Variants in FPGT observed in about 807,000 individuals in gnomAD.
The protein encoded by FPGT is GDP-L-fucose diphosphorylase.
In FPGT, 41 loss-of-function variants were observed where a neutral mutation model predicts 45.8. The ratio of observed to expected loss-of-function variants is 0.90; its 90% CI spans 0.70 to 1.16. The LOEUF is 1.16. Ranked by LOEUF, FPGT falls within the 50% of genes most tolerant of loss-of-function variation. The pLI, the probability that FPGT is intolerant of heterozygous loss-of-function variation, is 0.00. For synonymous variants in FPGT, 292 were observed against 247.2 expected (o/e 1.18, Z -1.70); for missense variants, 755 against 689.1 (o/e 1.10, Z -1.07).
In FPGT at chr1:74,206,157, G is replaced by A. The variant is rs954071395; in HGVS notation, c.*325G>A. The A allele has an allele frequency of 1.6e-5, 3 of 185,802 alleles. No individual in the cohort carries two copies. Among genetic ancestry groups the A allele is most frequent in the African/African-American group, 7.1e-5 (3 of 42,226 alleles). The allele number at this position is 185,802 out of a possible 1,614,324, so 11.5% of individuals were successfully genotyped here. On this transcript the variant is annotated 3_prime_UTR_variant, in exon 4 of 4. Transcript: ENST00000370898. The stretch of plus-strand genomic sequence containing the variant: ...TTTGGAATTTTTCCATCTTTTTTGA[G>A]GCTTTTGGTCCAGTGAAGTTCTAAG...
chr1:74,204,442 C>G lies in FPGT; in HGVS notation c.395C>G (p.Thr132Ser). The change falls in exon 4 of 4, where the codon ACT becomes AGT. Residue 132 changes from threonine to serine, a missense_variant. Transcript: ENST00000370898. ...GCAAGTGCTCTGGGAAAAATTTTCA[C>G]TGCTTTACCTCTTGGTAACCCCATT... The part of the protein sequence containing the change: ...PNASALGKIF[T>S]ALPLGNPIYQ... 1 of 1,598,074 alleles carries G rather than the reference C, an allele frequency of 6.3e-7. No homozygotes were observed. The highest frequency in any genetic ancestry group is 8.5e-7 in the Non-Finnish European group (1 of 1,170,930).
At chr1:74,198,538 C>A in intron 1 of FPGT, 178 bp downstream of exon 1, 1 of 766,644 alleles carries the variant, frequency 1.3e-6, no homozygotes, top group South Asian at 1.9e-5. Flanking sequence ...ACTGTCCCTG[C>A]TTGACATGCT....
intron 3 of FPGT, among the ~76,000 whole-genome samples, chr1:74,202,821 A>C (rs1557671580): frequency 1.3e-5 from 2 of 152,050 alleles, no homozygotes; most frequent in Non-Finnish European, 2.9e-5. Flanking sequence ...TGTTGTTTTT[A>C]TTTTTACTTT....
intron 2 of FPGT, among the ~76,000 whole-genome samples, chr1:74,200,479 T>G (rs1013992491): frequency 3.3e-5 from 5 of 151,052 alleles, no homozygotes; most frequent in Non-Finnish European, 7.4e-5. Flanking sequence ...AACTATGAGG[T>G]CAGTACTGTT....
rs1271765468 is a variant in FPGT at position 74,204,922 on chromosome 1, G to A, written c.875G>A (p.Gly292Asp). ...KMLLAFYEKI[G>D]TLSCEIDAYG... ...TTACTTGCTTTTTATGAAAAAATAG[G>A]CACACTGAGCTGTGAAATAGATGCC... Residue 292 changes from glycine to aspartate, a missense_variant, in exon 4 of 4, where the codon GGC (glycine) becomes GAC (aspartate). By Grantham distance (94) the Gly-to-Asp change is moderately conservative (BLOSUM62 -1). Transcript: ENST00000370898. 2 of 1,613,672 alleles carry A rather than the reference G, an allele frequency of 1.2e-6. No individual in the cohort carries two copies. Among genetic ancestry groups the A allele is most frequent in the Admixed American group, 3.3e-5 (2 of 59,970 alleles).
chr1:74,200,401 A>C (rs2100766984), intron 2 of FPGT, among the ~76,000 whole-genome samples: 1 of 152,174 alleles, frequency 6.6e-6, no homozygotes, highest in East Asian at 1.9e-4. Flanking sequence ...CAGAGATAAG[A>C]TATCTGTATA....
Position 74,206,686 on chromosome 1 carries a change from CATGCTGGTG to C in FPGT, c.*861_*869del, listed in dbSNP as rs1277658691. 1 of 152,046 alleles carries C rather than the reference CATGCTGGTG, an allele frequency of 6.6e-6. No individual in the cohort carries two copies. Among genetic ancestry groups the C allele is most frequent in the Non-Finnish European group, 1.5e-5 (1 of 67,962 alleles). The allele number at this position is 152,046 out of a possible 1,614,324, so 9.4% of individuals were successfully genotyped here. ...TAGTTTTCATCTTATTTTTTGTCCACATGCTGGTGATGCTGAGAAACAATAATTGGCCCA... is the reference window on the plus strand; with the variant it reads ...TAGTTTTCATCTTATTTTTTGTCCACATGCTGAGAAACAATAATTGGCCCA... On this transcript the variant is annotated 3_prime_UTR_variant, in exon 4 of 4. Transcript: ENST00000370898.
intron 2 of FPGT, 76 bp downstream of exon 2, chr1:74,199,907 A>G (rs984711300): frequency 2.4e-5 from 36 of 1,516,012 alleles, no homozygotes; most frequent in Middle Eastern, 3.5e-4. Context: ...TCTGTGACTT[A>G]CAGTGTATAA....
intron 3 of FPGT, among the ~76,000 whole-genome samples, chr1:74,204,142 A>G (rs914734462): frequency 7.2e-5 from 11 of 152,052 alleles, no homozygotes; most frequent in Admixed American, 5.9e-4. Context: ...ATTCTACAGT[A>G]TATTTAAATT....
chr1:74,200,497 CTTTTTTTTTTTTTTT>C (rs202228945), intron 2 of FPGT, among the ~76,000 whole-genome samples: 6 of 106,540 alleles, frequency 5.6e-5, no homozygotes, highest in African/African-American at 8.5e-5. Flanking sequence ...GTTATTATTT[CTTTTTTTTTTTTTTT>C]TTTTTTTTTT....
At position 74,204,610 on chromosome 1, in the gene FPGT, T is replaced by G. The variant is rs1425965026; in HGVS notation, c.563T>G (p.Phe188Cys). ...FEFIRFDKPG[F>C]TALAHPSSLT... Reference sequence around the variant, plus strand: ...TTTATTAGGTTTGACAAACCTGGCTTTACTGCTTTAGCTCATCCTTCTAGT... The same window carrying G: ...TTTATTAGGTTTGACAAACCTGGCTGTACTGCTTTAGCTCATCCTTCTAGT... The change falls in exon 4 of 4, where the codon TTT becomes TGT. Residue 188 changes from phenylalanine to cysteine, a missense_variant. Transcript: ENST00000370898. 1 of 1,613,792 alleles carries G rather than the reference T, an allele frequency of 6.2e-7. No homozygotes were observed. The highest frequency in any genetic ancestry group is 1.7e-5 in the Admixed American group (1 of 59,998).
In FPGT at chr1:74,207,656, A is replaced by G. The variant is rs1314246654; in HGVS notation, c.*1824A>G. Among the ~76,000 whole-genome samples, 1 of 141,260 alleles carries G rather than the reference A, an allele frequency of 7.1e-6. No individual in the cohort carries two copies. 92.7% of individuals were successfully genotyped at this position (141,260 alleles called of 152,430 possible). A position where few individuals can be genotyped will look rare whatever the true frequency, so the allele number is the denominator to read the frequency against. On this transcript the variant is annotated 3_prime_UTR_variant, in exon 4 of 4. Transcript: ENST00000370898. ...TCAGAAAGAGATTTCTCACAAATTGACGTCATATTAACATGTCAATATGAA... is the reference window on the plus strand; with the variant it reads ...TCAGAAAGAGATTTCTCACAAATTGGCGTCATATTAACATGTCAATATGAA...
intron 2 of FPGT, among the ~76,000 whole-genome samples, chr1:74,200,351 T>C (rs1211735635): frequency 6.6e-6 from 1 of 152,220 alleles, no homozygotes; most frequent in African/African-American, 2.4e-5. Context: ...TTCTGAATGC[T>C]CTTTTCTATG....
rs1224383335 is a variant in FPGT, at chr1:74,205,305, G to A, written c.1258G>A (p.Glu420Lys). The stretch of plus-strand genomic sequence containing the variant: ...TTCTGTGGCACCTGGCTCAGTTGTG[G>A]AGTATTCCAGATTGGGGCCTGATGT... Reference protein sequence around the residue: ...RCSVAPGSVVEYSRLGPDVSV... With the variant: ...RCSVAPGSVVKYSRLGPDVSV... The change falls in exon 4 of 4, where the codon GAG (glutamate) becomes AAG (lysine). Residue 420 changes from glutamate (E) to lysine (K), a missense_variant. Coordinates refer to ENST00000370898, the MANE Select transcript of FPGT (RefSeq NM_003838.5). 2 of 1,613,986 alleles carry A rather than the reference G, an allele frequency of 1.2e-6. No homozygotes were observed. Among genetic ancestry groups the A allele is most frequent in the Non-Finnish European group, 1.7e-6 (2 of 1,180,006 alleles).
Position 74,199,835 on chromosome 1 carries a change from C to T in FPGT, c.250+4C>T, listed in dbSNP as rs373139291. ...GATCCTGCTGGAGCCAAAATTGGTA[C>T]GCGCTTTATGGTCAGTTTTATAATA... On this transcript the variant is annotated splice_donor_region_variant and intron_variant, in intron 2 of 3. Transcript: ENST00000370898. The T allele has an allele frequency of 6.9e-5, 112 of 1,612,820 alleles. No individual in the cohort carries two copies. Among genetic ancestry groups the T allele is most frequent in the East Asian group, 1.1e-4 (5 of 44,858 alleles).
Position 74,199,763 on chromosome 1 carries a change from TGAAAA to T in FPGT, c.187_191del (p.Arg63GlyfsTer39). 1 of 1,614,132 alleles carries T rather than the reference TGAAAA, an allele frequency of 6.2e-7. No individual in the cohort carries two copies. Among genetic ancestry groups the T allele is most frequent in the Non-Finnish European group, 8.5e-7 (1 of 1,180,012 alleles). On this transcript the variant is annotated frameshift_variant, in exon 2 of 4. Transcript: ENST00000370898. LOFTEE classifies it high-confidence loss of function. ...TACAACCAACAGCTGTCAGAAAAGCTGAAAAGAAAGGAGTTACCCCTTGGAGTTCA... is the reference window on the plus strand; with the variant it reads ...TACAACCAACAGCTGTCAGAAAAGCTGAAAGGAGTTACCCCTTGGAGTTCA...
chr1:74,204,284 T>C (rs1652072540), intron 3 of FPGT, 107 bp from the exon 4 acceptor site: 2 of 652,780 alleles, frequency 3.1e-6, no homozygotes, highest in Non-Finnish European at 5.0e-6. Context: ...TTAAATATCG[T>C]TAAATATATT....
At position 74,204,623 on chromosome 1, in the gene FPGT, T is replaced by C. The variant is rs769774345; in HGVS notation, c.576T>C (p.Ala192=). Residue 192 remains alanine, a synonymous_variant, in exon 4 of 4, where the codon GCT becomes GCC. Coordinates refer to ENST00000370898, the MANE Select transcript of FPGT (RefSeq NM_003838.5). ...RFDKPGFTAL[A]HPSSLTIGTT... is the part of the protein sequence containing the mutation. ...ACAAACCTGGCTTTACTGCTTTAGC[T>C]CATCCTTCTAGTTTGACGATAGGTA... 106 of 1,613,810 alleles carry C rather than the reference T, an allele frequency of 6.6e-5. No individual in the cohort carries two copies. Among genetic ancestry groups the C allele is most frequent in the Non-Finnish European group, 8.3e-5 (98 of 1,179,834 alleles).
chr1:74,204,387 A>G lies in FPGT; in HGVS notation c.344-4A>G, dbSNP rs976175427. ...TAAATGGTTATTTCGTTTTAATTTT[A>G]TAGGTGGCTACAGTCAACGACTTCC... On this transcript the variant is annotated splice_polypyrimidine_tract_variant and splice_region_variant and intron_variant, in intron 3 of 3. Transcript: ENST00000370898. 9 of 1,533,052 alleles carry G rather than the reference A, an allele frequency of 5.9e-6. No homozygotes were observed. In the African/African-American group the frequency reaches 7.0e-5, roughly 12 times the overall value. The allele number at this position is 1,533,052 out of a possible 1,614,324, so 95.0% of individuals were successfully genotyped here.
Sources: allele counts gnomAD v4.1 joint callset (sites outside exome capture counted in the v4.1 genomes callset), GRCh38; gene constraint gnomAD v4.1.1; transcripts MANE v1.5; gene names NCBI Gene and HGNC (gene_info 2026-07-23, HGNC 2026-07-21).